AP4S1: variants seen among roughly 807,000 people sequenced by gnomAD.
AP4S1 encodes AP-4 complex subunit sigma-1.
A neutral mutation model predicts 19.8 loss-of-function variants in AP4S1; 23 were observed. That is an observed-to-expected ratio of 1.16 (90% confidence interval 0.84 to 1.65). AP4S1 has a LOEUF of 1.65. Among genes scored for constraint, AP4S1 ranks in the 40% most tolerant of loss-of-function variants. The pLI, the probability that AP4S1 is intolerant of heterozygous loss-of-function variation, is 0.00. For synonymous variants in AP4S1, 46 were observed against 54.1 expected (o/e 0.85, Z 0.66); for missense variants, 166 against 172.8 (o/e 0.96, Z 0.22).
intron 5 of AP4S1, chr14:31,085,937 A>G (rs1887902587): frequency 1.5e-6 from 1 of 657,326 alleles, no homozygotes; most frequent in African/African-American, 2.0e-5. Flanking sequence ...GGACATAGGA[A>G]GGGCATCAAT....
chr14:31,043,940 CA>C (rs1172162088), intron 1 of AP4S1, among the ~76,000 whole-genome samples: 1 of 152,102 alleles, frequency 6.6e-6, no homozygotes, highest in Non-Finnish European at 1.5e-5. Context: ...TTAGCACATC[CA>C]TTTTGAAAAA....
At chr14:31,059,203 GC>G (rs1382616454) in intron 1 of AP4S1, among the ~76,000 whole-genome samples, 1 of 152,238 alleles carries the variant, frequency 6.6e-6, no homozygotes, top group East Asian at 1.9e-4. Flanking sequence ...ATGTTTAAGA[GC>G]ATGCAAGAAA....
intron 5 of AP4S1, among the ~76,000 whole-genome samples, chr14:31,089,476 G>C (rs1366919447): frequency 6.6e-6 from 1 of 152,212 alleles, no homozygotes; most frequent in Non-Finnish European, 1.5e-5. Flanking sequence ...GTAGTTTCTA[G>C]GTTGGTCTCT....
chr14:31,066,644 C>G (rs1422884328), intron 2 of AP4S1, among the ~76,000 whole-genome samples: 2 of 152,058 alleles, frequency 1.3e-5, no homozygotes, highest in Non-Finnish European at 2.9e-5. Flanking sequence ...TTTTTTCATT[C>G]CTATGAATTC....
At position 31,095,176 on chromosome 14, in the gene AP4S1, GGAGT is replaced by G. The variant is rs1271588915; in HGVS notation, c.*2145_*2148del. 6.6e-6 allele frequency: 1 copy of G among 152,198 alleles called. No individual in the cohort carries two copies. Among genetic ancestry groups the G allele is most frequent in the African/African-American group, 2.4e-5 (1 of 41,436 alleles). The allele number at this position is 152,198 out of a possible 1,614,324, so 9.4% of individuals were successfully genotyped here. Reference sequence around the variant, plus strand: ...AACACTGTACTCCAACCTGGGTAATGGAGTGAGGCCCTGCCTCAAAAACACAAAA... The same window carrying G: ...AACACTGTACTCCAACCTGGGTAATGGAGGCCCTGCCTCAAAAACACAAAA... On this transcript the variant is annotated 3_prime_UTR_variant, in exon 6 of 6. Transcript: ENST00000542754.
chr14:31,063,113 T>C (rs952972275), intron 1 of AP4S1, among the ~76,000 whole-genome samples: 1 of 151,172 alleles, frequency 6.6e-6, no homozygotes, highest in African/African-American at 2.4e-5. Context: ...CTGAGCAAAA[T>C]AGTGAGACCC....
chr14:31,072,988 T>TA lies in AP4S1; in HGVS notation c.294+21dup. On this transcript the variant is annotated intron_variant, in intron 4 of 5. Coordinates refer to ENST00000542754, the MANE Select transcript of AP4S1 (RefSeq NM_001128126.3). ...TCAGCCGAGTGGTAAGTCTAATGGC[T>TA]AAAAAATGGTTTACTTCCTCAACCC... The TA allele has an allele frequency of 6.2e-7, 1 of 1,609,220 alleles. No homozygotes were observed.
intron 1 of AP4S1, among the ~76,000 whole-genome samples, chr14:31,039,663 C>CCCGGGTTCACGCCATTCT (rs1404190767): frequency 6.6e-5 from 10 of 150,836 alleles, no homozygotes; most frequent in African/African-American, 9.8e-5. Flanking sequence ...AGCTCCGCCT[C>CCCGGGTTCACGCCATTCT]CCGGGTTCAC....
In AP4S1 at chr14:31,025,777, G is replaced by T; in HGVS notation, c.-82G>T. ...GCCGTTGAGAGGACCATCACAACCT[G>T]AGCAGCACAGGTAGGTTCCGCTCGG... On this transcript the variant is annotated 5_prime_UTR_variant, in exon 1 of 6. The change abolishes the stop of an existing upstream ORF in the 5' untranslated region. Coordinates refer to ENST00000542754, the MANE Select transcript of AP4S1 (RefSeq NM_001128126.3). 1 of 1,327,184 alleles carries T rather than the reference G, an allele frequency of 7.5e-7. No individual in the cohort carries two copies. Among genetic ancestry groups the T allele is most frequent in the Non-Finnish European group, 1.0e-6 (1 of 980,190 alleles). 82.2% of individuals were successfully genotyped at this position (1,327,184 alleles called of 1,614,324 possible).
intron 5 of AP4S1, among the ~76,000 whole-genome samples, chr14:31,089,022 CGTGGCAGCGCACCT>C (rs1307420458): frequency 6.6e-6 from 1 of 151,204 alleles, no homozygotes; most frequent in Non-Finnish European, 1.5e-5. Flanking sequence ...ATTAGATGGG[CGTGGCAGCGCACCT>C]GTGGTCACAG....
At chr14:31,065,989 T>C in intron 1 of AP4S1, 137 bp from the exon 2 acceptor site, 1 of 494,300 alleles carries the variant, frequency 2.0e-6, no homozygotes, top group South Asian at 2.3e-5. Context: ...CCTCAATTAG[T>C]TCATAGGAAT....
At chr14:31,091,969 C>A (rs79020122) in intron 5 of AP4S1, among the ~76,000 whole-genome samples, 5,879 of 152,152 alleles carry the variant, frequency 0.039, 374 homozygotes, top group African/African-American at 0.13. Context: ...CTTCTTTCAC[C>A]AAAGAAAAGT....
chr14:31,069,810 A>G (rs1437074133), intron 2 of AP4S1, 33 bp from the exon 3 acceptor site: 1 of 1,513,500 alleles, frequency 6.6e-7, no homozygotes, highest in Non-Finnish European at 9.2e-7. Context: ...TCTCTCAGCC[A>G]CAGGAATTAA....
At chr14:31,044,574 C>T (rs1045283259) in intron 1 of AP4S1, among the ~76,000 whole-genome samples, 1 of 151,502 alleles carries the variant, frequency 6.6e-6, no homozygotes, top group Non-Finnish European at 1.5e-5. Flanking sequence ...TTTCAAACTC[C>T]CCAGCTCAAG....
chr14:31,084,875 T>C, intron 5 of AP4S1: 2 of 1,614,182 alleles, frequency 1.2e-6, no homozygotes, highest in Non-Finnish European at 1.7e-6. Context: ...ACCACCCCCA[T>C]CTACTGAATA....
At chr14:31,047,553 G>A in intron 1 of AP4S1, among the ~76,000 whole-genome samples, 1 of 151,844 alleles carries the variant, frequency 6.6e-6, no homozygotes, top group Admixed American at 6.6e-5. Flanking sequence ...CACAATGCCT[G>A]GCTAATTTTT....
In AP4S1 at chr14:31,069,692, G is replaced by T; in HGVS notation, c.139-151G>T. The stretch of plus-strand genomic sequence containing the variant: ...GCTTCCAAGTGGTCCCCTGAATATT[G>T]TGAGAAGGTCACCAATGGTTGTGTA... On this transcript the variant is annotated intron_variant, in intron 2 of 5. Coordinates refer to ENST00000542754, the MANE Select transcript of AP4S1 (RefSeq NM_001128126.3). 9.9e-6 allele frequency: 7 copies of T among 707,844 alleles called. No individual in the cohort carries two copies. The South Asian group carries it at 1.1e-4, about 11-fold the overall frequency. The allele number at this position is 707,844 out of a possible 1,614,324, so 43.8% of individuals were successfully genotyped here. A position where few individuals can be genotyped will look rare whatever the true frequency, so the allele number is the denominator to read the frequency against.
rs1378548854 is a variant in AP4S1, at chr14:31,073,350, C to T, written c.294+377C>T. Among the ~76,000 whole-genome samples the T allele has an allele frequency of 2.1e-4, 28 of 136,282 alleles. 1 individual carries two copies. The highest frequency in any genetic ancestry group is 9.5e-4 in the South Asian group (4 of 4,210). The allele number at this position is 136,282 out of a possible 152,430, so 89.4% of individuals were successfully genotyped here. A position where few individuals can be genotyped will look rare whatever the true frequency, so the allele number is the denominator to read the frequency against. ...CTAAAAATACAAAAAATTAGCTGGG[C>T]GTGGTGGTGGGCGCCTGTAGTCCCA... On this transcript the variant is annotated intron_variant, in intron 4 of 5. Coordinates refer to ENST00000542754, the MANE Select transcript of AP4S1 (RefSeq NM_001128126.3).
At chr14:31,065,681 G>C (rs1886674654) in intron 1 of AP4S1, among the ~76,000 whole-genome samples, 1 of 151,650 alleles carries the variant, frequency 6.6e-6, no homozygotes, top group African/African-American at 2.4e-5. Context: ...ATTTTTTTGA[G>C]ACAGGGTTTT....
Sources: gnomAD v4.1 joint callset for allele counts (sites outside exome capture counted in the v4.1 genomes callset) on GRCh38, gnomAD v4.1.1 for gene constraint, MANE v1.5 for transcripts, NCBI Gene and HGNC (gene_info 2026-07-23, HGNC 2026-07-21) for gene names.